MORC1: variants seen among roughly 807,000 people sequenced by gnomAD.
The protein encoded by MORC1 is MORC family CW-type zinc finger 1, also known as MORC family CW-type zinc finger protein 1.
In MORC1, 59 loss-of-function variants were observed where a neutral mutation model predicts 134.9. That is an observed-to-expected ratio of 0.44 (90% CI 0.35 to 0.54). The LOEUF (loss-of-function observed/expected upper bound fraction) is 0.54. Ranked by LOEUF, MORC1 falls within the 20% of genes least tolerant of loss-of-function variation. MORC1 has a pLI of 0.00. For missense variants in MORC1, 947 were observed against 1,134.5 expected (o/e 0.83, Z 2.37); for synonymous variants, 395 against 391.7 (o/e 1.01, Z -0.10).
At chr3:109,019,331 C>T (rs147971139) in intron 17 of MORC1, among the ~76,000 whole-genome samples, 7 of 152,252 alleles carry the variant, frequency 4.6e-5, no homozygotes, top group African/African-American at 9.6e-5. Flanking sequence ...TCCAAAGTCA[C>T]TTTGCCTTCC....
At chr3:109,083,801 G>T (rs1279926673) in intron 8 of MORC1, among the ~76,000 whole-genome samples, 1 of 152,094 alleles carries the variant, frequency 6.6e-6, no homozygotes, top group African/African-American at 2.4e-5. Context: ...ACATTAAAAA[G>T]ATCATTCATC....
intron 20 of MORC1, among the ~76,000 whole-genome samples, chr3:109,003,650 G>A (rs1036631033): frequency 3.9e-5 from 6 of 152,046 alleles, no homozygotes; most frequent in Admixed American, 1.3e-4. Context: ...GCAGGAGTTC[G>A]AACACAGCAA....
intron 14 of MORC1, among the ~76,000 whole-genome samples, chr3:109,053,964 A>G (rs1218945680): frequency 2.0e-5 from 3 of 152,144 alleles, no homozygotes; most frequent in Non-Finnish European, 4.4e-5. Context: ...AACATACTCA[A>G]GAATTTTTAA....
chr3:109,098,856 T>C (rs923668755), intron 6 of MORC1, among the ~76,000 whole-genome samples: 1 of 152,218 alleles, frequency 6.6e-6, no homozygotes, highest in Admixed American at 6.5e-5. Context: ...GTATTTGTTA[T>C]ATTGAATTAT....
chr3:109,035,578 A>T (rs560086059), intron 14 of MORC1, 110 bp from the exon 15 acceptor site: 2 of 613,184 alleles, frequency 3.3e-6, no homozygotes, highest in African/African-American at 1.9e-5. Flanking sequence ...TGTAAGTATT[A>T]ATACATATAC....
At chr3:109,000,495 T>A in intron 21 of MORC1, 62 bp downstream of exon 21, 1 of 1,218,418 alleles carries the variant, frequency 8.2e-7, no homozygotes, top group Non-Finnish European at 1.2e-6. Context: ...CACTAACAGA[T>A]CCCTCTAATC....
chr3:109,063,714 G>A (rs1950133904), intron 9 of MORC1, among the ~76,000 whole-genome samples: 1 of 152,092 alleles, frequency 6.6e-6, no homozygotes, highest in Non-Finnish European at 1.5e-5. Flanking sequence ...TACTGATAGA[G>A]AAACCTGTTT....
intron 24 of MORC1, among the ~76,000 whole-genome samples, chr3:108,976,272 G>C (rs1255291208): frequency 6.6e-6 from 1 of 152,046 alleles, no homozygotes; most frequent in Non-Finnish European, 1.5e-5. Flanking sequence ...CCAAATGGAG[G>C]GAACACCCTT....
chr3:109,004,828 T>C lies in MORC1; in HGVS notation c.2074A>G (p.Lys692Glu). 6.2e-7 allele frequency: 1 copy of C among 1,613,814 alleles called. No individual in the cohort carries two copies. Among genetic ancestry groups the C allele is most frequent in the South Asian group, 1.1e-5 (1 of 91,016 alleles). Residue 692 changes from lysine to glutamate, a missense_variant, in exon 20 of 28, where the codon AAG becomes GAG. Physicochemically the swap from Lys to Glu is moderately conservative, Grantham distance 56. Coordinates refer to ENST00000232603, the MANE Select transcript of MORC1 (RefSeq NM_014429.4). The stretch of plus-strand genomic sequence containing the variant: ...AAGCCTTTTCCCACCTGGGCATTCT[T>C]CAGGCACCCTTCAGTTGGTTGAGCT... ...WRAQPTEGCLKNAQAASWEMK... is the reference protein window; with the variant it reads ...WRAQPTEGCLENAQAASWEMK...
rs971520243 is a variant in MORC1, at chr3:108,958,730, A to G, written c.*235T>C. On this transcript the variant is annotated 3_prime_UTR_variant, in exon 28 of 28. Coordinates refer to ENST00000232603, the MANE Select transcript of MORC1 (RefSeq NM_014429.4). ...TGAAAATTAGAGAACTCTAGATATTATTAATATTTCTGAAAGAAAAGGAAG... is the reference window on the plus strand; with the variant it reads ...TGAAAATTAGAGAACTCTAGATATTGTTAATATTTCTGAAAGAAAAGGAAG... 9.2e-5 allele frequency: 20 copies of G among 216,354 alleles called. No homozygotes were observed. The highest frequency in any genetic ancestry group is 4.3e-4 in the African/African-American group (19 of 44,120). The allele number at this position is 216,354 out of a possible 1,614,324, so 13.4% of individuals were successfully genotyped here.
chr3:109,053,300 A>G lies in MORC1; in HGVS notation c.1330+1428T>C, dbSNP rs531487839. ...TACTCAAAGGAAACTCAGTTGTTCT[A>G]CCGAAAGGACACATGCACCCACATG... On this transcript the variant is annotated intron_variant, in intron 14 of 27. Transcript: ENST00000232603. Among the ~76,000 whole-genome samples, 25 of 152,254 alleles carry G rather than the reference A, an allele frequency of 1.6e-4. No homozygotes were observed. The East Asian group carries it at 4.8e-3, about 29-fold the overall frequency.
intron 14 of MORC1, among the ~76,000 whole-genome samples, chr3:109,047,756 T>G (rs931337078): frequency 6.6e-6 from 1 of 152,190 alleles, no homozygotes; most frequent in East Asian, 1.9e-4. Flanking sequence ...TTTAGCAGTA[T>G]AGAGTTCAGT....
At position 109,004,940 on chromosome 3, in the gene MORC1, A is replaced by G. The variant is rs759126147; in HGVS notation, c.2014-52T>C. 6.9e-6 allele frequency: 11 copies of G among 1,590,158 alleles called. No individual in the cohort carries two copies. In the South Asian group the frequency reaches 1.2e-4, roughly 17 times the overall value. On this transcript the variant is annotated intron_variant, in intron 19 of 27. Coordinates refer to ENST00000232603, the MANE Select transcript of MORC1 (RefSeq NM_014429.4). ...AAAATTAGAAATTGGGACCTTGTCC[A>G]GGAAACACAGATTGCAATGTATATT...
intron 24 of MORC1, among the ~76,000 whole-genome samples, chr3:108,973,591 TTTGG>T (rs1371513458): frequency 5.7e-5 from 5 of 88,088 alleles, no homozygotes; most frequent in Non-Finnish European, 7.8e-5. Context: ...TTTGCTTTGT[TTTGG>T]TTTTTTTTTT....
rs181461489 is a variant in MORC1 at position 108,982,645 on chromosome 3, G to C, written c.2324+2071C>G. Among the ~76,000 whole-genome samples, 638 of 150,648 alleles carry C rather than the reference G, an allele frequency of 4.2e-3. 13 individuals are homozygous for C. Among genetic ancestry groups the C allele is most frequent in the African/African-American group, 0.015 (612 of 40,666 alleles). On this transcript the variant is annotated intron_variant, in intron 23 of 27. Coordinates refer to ENST00000232603, the MANE Select transcript of MORC1 (RefSeq NM_014429.4). ...ACCTAACATAAATGACGAGTTAATG[G>C]GTGCAGCAAACCAACATGGCACATG...
rs111288177 is a variant in MORC1 at position 109,041,808 on chromosome 3, T to C, written c.1331-6340A>G. Reference sequence around the variant, plus strand: ...TTGCAATGAGCTGAGATCGTGCCATTGCACTCCAGCCTGGTGACAGACTAA... The same window carrying C: ...TTGCAATGAGCTGAGATCGTGCCATCGCACTCCAGCCTGGTGACAGACTAA... On this transcript the variant is annotated intron_variant, in intron 14 of 27. Coordinates refer to ENST00000232603, the MANE Select transcript of MORC1 (RefSeq NM_014429.4). 9.4e-3 allele frequency among the ~76,000 whole-genome samples: 1,438 copies of C among 152,224 alleles called. 19 individuals carry two copies. Among genetic ancestry groups the C allele is most frequent in the African/African-American group, 0.023 (943 of 41,558 alleles).
At chr3:109,107,848 G>A (rs1467333996) in intron 3 of MORC1, among the ~76,000 whole-genome samples, 1 of 152,146 alleles carries the variant, frequency 6.6e-6, no homozygotes, top group Non-Finnish European at 1.5e-5. Flanking sequence ...GTAATTTTAA[G>A]CTAAACTGAA....
intron 1 of MORC1, among the ~76,000 whole-genome samples, chr3:109,116,317 C>T (rs986151164): frequency 1.3e-5 from 2 of 152,108 alleles, no homozygotes; most frequent in African/African-American, 4.8e-5. Flanking sequence ...GTAGTCTGGA[C>T]AAGGGACAGT....
chr3:108,994,669 G>A (rs1365251247), intron 21 of MORC1, among the ~76,000 whole-genome samples: 1 of 151,946 alleles, frequency 6.6e-6, no homozygotes, highest in Non-Finnish European at 1.5e-5. Context: ...AAAAAGGCAT[G>A]TACATGCCTT....
Sources: allele counts gnomAD v4.1 joint callset (sites outside exome capture counted in the v4.1 genomes callset), GRCh38; gene constraint gnomAD v4.1.1; transcripts MANE v1.5; gene names NCBI Gene and HGNC (gene_info 2026-07-23, HGNC 2026-07-21).